Variants in THNSL1 observed in about 807,000 individuals in gnomAD.
THNSL1 encodes the protein threonine synthase like 1.
THNSL1 carries 48 observed loss-of-function variants against 50.4 expected under a neutral mutation model. That is an observed-to-expected ratio of 0.95 (90% CI 0.76 to 1.21). THNSL1 has a LOEUF of 1.21. Among genes scored for constraint, THNSL1 ranks in the 50% most tolerant of loss-of-function variants. THNSL1 has a pLI of 0.00. For missense variants in THNSL1, 896 were observed against 871.7 expected (o/e 1.03, Z -0.35); for synonymous variants, 309 against 306.1 (o/e 1.01, Z -0.10).
At chr10:24,989,276 T>G in the THNSL1 span, among the ~76,000 whole-genome samples, 2 of 152,212 alleles carry the variant, frequency 1.3e-5, no homozygotes, top group African/African-American at 4.8e-5. Context: ...CCTTCCTGCC[T>G]GTCTGCCTTC....
the THNSL1 span, among the ~76,000 whole-genome samples, chr10:24,956,260 T>A: frequency 6.6e-6 from 1 of 152,066 alleles, no homozygotes; most frequent in Admixed American, 6.6e-5. Context: ...TAGCACCTGA[T>A]ACATAGTTTT....
chr10:24,967,669 A>ATG, the THNSL1 span, among the ~76,000 whole-genome samples: 1 of 150,726 alleles, frequency 6.6e-6, no homozygotes, highest in Non-Finnish European at 1.5e-5. Context: ...TGTGTGTATG[A>ATG]TGTGTGTGTA....
the THNSL1 span, among the ~76,000 whole-genome samples, chr10:24,955,636 C>G: frequency 6.6e-6 from 1 of 152,192 alleles, no homozygotes; most frequent in African/African-American, 2.4e-5. Context: ...GTGAAAATGA[C>G]AAGGAATTGT....
the THNSL1 span, among the ~76,000 whole-genome samples, chr10:24,979,523 C>T: frequency 7.9e-5 from 12 of 152,224 alleles, no homozygotes; most frequent in African/African-American, 2.9e-4. Context: ...TTTCTTTTGA[C>T]CTCTCTGGAC....
At chr10:24,976,907 C>T in the THNSL1 span, among the ~76,000 whole-genome samples, 1 of 152,268 alleles carries the variant, frequency 6.6e-6, no homozygotes, top group South Asian at 2.1e-4. Flanking sequence ...AAGCATTTAT[C>T]CAGATTAAAC....
At chr10:24,952,845 C>G in the THNSL1 span, among the ~76,000 whole-genome samples, 4 of 151,684 alleles carry the variant, frequency 2.6e-5, no homozygotes, top group Non-Finnish European at 5.9e-5. This position sits in a 1 kb window ranked among gnomAD's most constrained non-coding sequence, Gnocchi z 5.1. Context: ...GCGCGGGCCC[C>G]GGACGCGTCC....
chr10:24,989,343 G>A, the THNSL1 span, among the ~76,000 whole-genome samples: 2 of 152,140 alleles, frequency 1.3e-5, no homozygotes, highest in African/African-American at 4.8e-5. Context: ...ACTGTGCTAG[G>A]CACTGGGGAT....
At chr10:25,018,654 GAGTT>G (rs386741982) in intron 1 of THNSL1, among the ~76,000 whole-genome samples, 13 of 116,282 alleles carry the variant, frequency 1.1e-4, no homozygotes, top group African/African-American at 3.7e-4. Flanking sequence ...AAACAAATGA[GAGTT>G]GTTTTTTTTT....
At position 25,023,558 on chromosome 10, in the gene THNSL1, T is replaced by C; in HGVS notation, c.335T>C (p.Leu112Ser). Residue 112 changes from leucine (L) to serine (S), a missense_variant, in exon 3 of 3, where the codon TTA (leucine) becomes TCA (serine). Transcript: ENST00000376356. ...CAGGATGTTGGTAATGAGCAATTTT[T>C]AGAAGAGGAAGGAAAAGCTGTGTTA... ...KLQDVGNEQF[L>S]EEEGKAVLNF... The C allele has an allele frequency of 6.2e-7, 1 of 1,614,132 alleles. No homozygotes were observed. Among genetic ancestry groups the C allele is most frequent in the Non-Finnish European group, 8.5e-7 (1 of 1,179,998 alleles).
chr10:24,994,443 C>T, the THNSL1 span, among the ~76,000 whole-genome samples: 8 of 151,686 alleles, frequency 5.3e-5, no homozygotes, highest in East Asian at 2.0e-4. Flanking sequence ...AAGCGATTCT[C>T]GTGCCTTAGC....
the THNSL1 span, chr10:24,990,352 G>T: frequency 3.6e-6 from 5 of 1,378,730 alleles, no homozygotes; most frequent in Non-Finnish European, 2.0e-6. Flanking sequence ...CAAAGAGATT[G>T]TTCTGATTTC....
chr10:24,965,417 G>C, the THNSL1 span, among the ~76,000 whole-genome samples: 1 of 152,124 alleles, frequency 6.6e-6, no homozygotes, highest in South Asian at 2.1e-4. Context: ...CCCTGATTCT[G>C]AGCCCCAGCC....
At chr10:25,006,818 T>C in the THNSL1 span, among the ~76,000 whole-genome samples, 1 of 152,206 alleles carries the variant, frequency 6.6e-6, no homozygotes, top group Admixed American at 6.5e-5. Flanking sequence ...CGAGCTTTGG[T>C]ATTAGATTTG....
chr10:24,971,424 A>G, the THNSL1 span, among the ~76,000 whole-genome samples: 1 of 152,102 alleles, frequency 6.6e-6, no homozygotes, highest in African/African-American at 2.4e-5. Context: ...TTTTTAATTC[A>G]GCTCTGACTT....
the THNSL1 span, among the ~76,000 whole-genome samples, chr10:25,007,373 G>T: frequency 9.2e-5 from 14 of 152,144 alleles, no homozygotes; most frequent in African/African-American, 2.9e-4. Flanking sequence ...TGCCAGAGAG[G>T]TGTGCTAATG....
the THNSL1 span, among the ~76,000 whole-genome samples, chr10:24,958,059 A>G: frequency 3.9e-5 from 6 of 152,204 alleles, no homozygotes; most frequent in Non-Finnish European, 5.9e-5. Context: ...CAGTCTATCC[A>G]CTGAATTGTT....
chr10:24,957,861 C>T, the THNSL1 span, among the ~76,000 whole-genome samples: 1 of 152,162 alleles, frequency 6.6e-6, no homozygotes, highest in Non-Finnish European at 1.5e-5. Flanking sequence ...TTCCCATCAC[C>T]GTGATTCTCT....
At chr10:24,981,276 T>G in the THNSL1 span, among the ~76,000 whole-genome samples, 1 of 152,228 alleles carries the variant, frequency 6.6e-6, no homozygotes, top group South Asian at 2.1e-4. Flanking sequence ...GAGGCTTTGT[T>G]GGACACAACC....
chr10:24,984,398 A>AAG, the THNSL1 span: 1 of 1,595,320 alleles, frequency 6.3e-7, no homozygotes, highest in Non-Finnish European at 8.5e-7. Context: ...AAAAAAAAAA[A>AAG]GTGAAGTTCT....
Sources: gnomAD v4.1 joint callset for allele counts (sites outside exome capture counted in the v4.1 genomes callset) on GRCh38, gnomAD v4.1.1 for gene constraint, Gnocchi (gnomAD v3.1) non-coding constraint, MANE v1.5 for transcripts, NCBI Gene and HGNC (gene_info 2026-07-23, HGNC 2026-07-21) for gene names.